Variants in CADPS2 observed in about 807,000 individuals in gnomAD.
CADPS2 encodes calcium dependent secretion activator 2.
Under a neutral mutation model 172.5 loss-of-function variants are expected in CADPS2, and 93 were observed. The ratio of observed to expected loss-of-function variants is 0.54; its 90% CI spans 0.46 to 0.64. CADPS2 has a LOEUF of 0.64. Among genes scored for constraint, CADPS2 ranks in the 30% least tolerant of loss-of-function variants. The pLI, the probability that CADPS2 is intolerant of heterozygous loss-of-function variation, is 0.00. For missense variants in CADPS2, 1,420 were observed against 1,565.9 expected, an observed-to-expected ratio of 0.91 and a Z score of 1.57; for synonymous variants, 546 against 555.2, an observed-to-expected ratio of 0.98 and a Z score of 0.23.
At position 122,820,792 on chromosome 7, in the gene CADPS2, C is replaced by T. The variant is rs1012011760; in HGVS notation, c.339+65207G>A. 1.5e-5 allele frequency among the ~76,000 whole-genome samples: 2 copies of T among 136,740 alleles called. 1 individual carries two copies. Among genetic ancestry groups the T allele is most frequent in the Non-Finnish European group, 3.1e-5 (2 of 63,746 alleles). The allele number at this position is 136,740 out of a possible 152,430, so 89.7% of individuals were successfully genotyped here. A position where few individuals can be genotyped will look rare whatever the true frequency, so the allele number is the denominator to read the frequency against. The stretch of plus-strand genomic sequence containing the variant: ...GCCAGGATGGTCTCGATCTCCTGAC[C>T]TCGTGATCCGCCCGCCTCGGCCTCC... On this transcript the variant is annotated intron_variant, in intron 1 of 29. Transcript: ENST00000449022.
chr7:122,670,862 C>T (rs77110559), intron 2 of CADPS2, among the ~76,000 whole-genome samples: 3,505 of 134,432 alleles, frequency 0.026, 87 homozygotes, highest in East Asian at 0.13. Context: ...GCAGTGAAAC[C>T]CTGTTTCAAA....
intron 1 of CADPS2, among the ~76,000 whole-genome samples, chr7:122,752,639 C>T (rs1048210045): frequency 2.6e-5 from 4 of 152,128 alleles, no homozygotes; most frequent in African/African-American, 9.7e-5. Flanking sequence ...ATTAGTCATA[C>T]ACCCTACCTT....
chr7:122,419,773 A>C (rs1310561744), intron 17 of CADPS2, among the ~76,000 whole-genome samples: 1 of 152,168 alleles, frequency 6.6e-6, no homozygotes, highest in Non-Finnish European at 1.5e-5. Context: ...TTCATAAAGA[A>C]AAAGGAAATA....
At chr7:122,355,996 A>G (rs1359386558) in intron 27 of CADPS2, among the ~76,000 whole-genome samples, 1 of 152,196 alleles carries the variant, frequency 6.6e-6, no homozygotes, top group African/African-American at 2.4e-5. Context: ...CATATAACCC[A>G]CACCCAATTT....
intron 7 of CADPS2, among the ~76,000 whole-genome samples, chr7:122,562,692 CTCA>C (rs151171430): frequency 0.028 from 4,231 of 152,114 alleles, 71 homozygotes; most frequent in South Asian, 0.055. Flanking sequence ...TAAATTTCTC[CTCA>C]TAAGTGTGTG....
intron 3 of CADPS2, among the ~76,000 whole-genome samples, chr7:122,659,925 A>G (rs2471184): frequency 0.95 from 144,863 of 152,154 alleles, 69,370 homozygotes; most frequent in East Asian, 1. Flanking sequence ...CTTTAAATGC[A>G]AAGAAGAAAC....
chr7:122,481,862 T>A (rs569074943), intron 11 of CADPS2, among the ~76,000 whole-genome samples: 1 of 151,940 alleles, frequency 6.6e-6, no homozygotes, highest in Non-Finnish European at 1.5e-5. Flanking sequence ...AATACAAAAA[T>A]TAGGTGGGTG....
Position 122,837,282 on chromosome 7 carries a change from G to A in CADPS2, c.339+48717C>T, listed in dbSNP as rs374337152. Reference sequence around the variant, plus strand: ...TCTCTGGGACACATTTAAAGCAGTGGGTAGAGGGAAATTTATAGCACTAAA... The same window carrying A: ...TCTCTGGGACACATTTAAAGCAGTGAGTAGAGGGAAATTTATAGCACTAAA... On this transcript the variant is annotated intron_variant, in intron 1 of 29. Coordinates refer to ENST00000449022, the MANE Select transcript of CADPS2 (RefSeq NM_017954.11). 5.5e-4 allele frequency among the ~76,000 whole-genome samples: 83 copies of A among 151,952 alleles called. 1 individual carries two copies. Among genetic ancestry groups the A allele is most frequent in the African/African-American group, 1.9e-3 (79 of 41,464 alleles).
chr7:122,582,058 TGA>T (rs1344810168), intron 6 of CADPS2, among the ~76,000 whole-genome samples: 2 of 151,796 alleles, frequency 1.3e-5, no homozygotes, highest in African/African-American at 4.8e-5. Context: ...CTCACAACTC[TGA>T]GAGATCAGAT....
intron 2 of CADPS2, among the ~76,000 whole-genome samples, chr7:122,691,288 T>C (rs569222865): frequency 2.0e-5 from 3 of 152,352 alleles, no homozygotes; most frequent in African/African-American, 7.2e-5. Flanking sequence ...TACCCATGAA[T>C]GCACCCATCT....
intron 2 of CADPS2, 145 bp from the exon 3 acceptor site, chr7:122,663,714 A>G (rs770778000): frequency 2.4e-4 from 162 of 670,742 alleles, no homozygotes; most frequent in Admixed American, 4.7e-4. Flanking sequence ...GTTTTATAAT[A>G]CATGGTAACT....
chr7:122,770,626 T>C (rs138984603), intron 1 of CADPS2, among the ~76,000 whole-genome samples: 184 of 144,666 alleles, frequency 1.3e-3, no homozygotes, highest in African/African-American at 4.7e-3. Context: ...CCTCTTCAAA[T>C]TAGTGCCCAG....
At chr7:122,702,099 G>A (rs771228414) in intron 2 of CADPS2, 2 of 1,613,530 alleles carry the variant, frequency 1.2e-6, no homozygotes, top group South Asian at 1.1e-5. Context: ...AAAGAATTGG[G>A]CACTCTAGGT....
intron 20 of CADPS2, among the ~76,000 whole-genome samples, chr7:122,400,195 G>C (rs188350964): frequency 4.6e-4 from 70 of 152,088 alleles, no homozygotes; most frequent in Admixed American, 2.5e-3. Context: ...CAGCACTTTG[G>C]GAGGCCGAGG....
rs909386365 is a variant in CADPS2 at position 122,556,668 on chromosome 7, T to C, written c.1336-1979A>G. On this transcript the variant is annotated intron_variant, in intron 7 of 29. Coordinates refer to ENST00000449022, the MANE Select transcript of CADPS2 (RefSeq NM_017954.11). ...ATCGAATACCATTTTTTCTGCCACATTTTATTTTTTGATGGGTATTTCTAA... is the reference window on the plus strand; with the variant it reads ...ATCGAATACCATTTTTTCTGCCACACTTTATTTTTTGATGGGTATTTCTAA... 8.5e-5 allele frequency among the ~76,000 whole-genome samples: 13 copies of C among 152,218 alleles called. 1 individual carries two copies. The South Asian group carries it at 2.5e-3, about 29-fold the overall frequency.
intron 1 of CADPS2, among the ~76,000 whole-genome samples, chr7:122,765,344 T>C (rs2093512877): frequency 6.6e-6 from 1 of 152,120 alleles, no homozygotes. Flanking sequence ...TTAAAAATGA[T>C]AAATTAATCA....
chr7:122,502,119 A>C (rs565515740), intron 9 of CADPS2, among the ~76,000 whole-genome samples: 28 of 152,280 alleles, frequency 1.8e-4, no homozygotes, highest in African/African-American at 6.7e-4. Context: ...GAGAAAGAGA[A>C]AAGTGAATTG....
chr7:122,699,578 G>C (rs1312489878), intron 2 of CADPS2, among the ~76,000 whole-genome samples: 1 of 152,098 alleles, frequency 6.6e-6, no homozygotes, highest in Non-Finnish European at 1.5e-5. Flanking sequence ...CCATTATATT[G>C]CATTTATTTA....
At chr7:122,511,652 C>T (rs2060011395) in intron 9 of CADPS2, among the ~76,000 whole-genome samples, 1 of 151,950 alleles carries the variant, frequency 6.6e-6, no homozygotes, top group South Asian at 2.1e-4. Flanking sequence ...CAACATTAGC[C>T]ATTGAAATCA....
Sources: allele counts gnomAD v4.1 joint callset (sites outside exome capture counted in the v4.1 genomes callset), GRCh38; gene constraint gnomAD v4.1.1; transcripts MANE v1.5; gene names NCBI Gene and HGNC (gene_info 2026-07-23, HGNC 2026-07-21).